SCHIP1: variants seen among roughly 807,000 people sequenced by gnomAD.
The protein encoded by SCHIP1 is schwannomin-interacting protein 1.
In SCHIP1, 8 loss-of-function variants were observed where a neutral mutation model predicts 29.7. The observed-to-expected ratio is 0.27, with a 90% CI of 0.16 to 0.49. The LOEUF is 0.49. Among genes scored for constraint, SCHIP1 ranks in the 20% least tolerant of loss-of-function variants. The pLI is 0.99. For synonymous variants in SCHIP1, 76 were observed against 94.9 expected, an observed-to-expected ratio of 0.80 and a Z score of 1.16; for missense variants, 193 against 294.6, an observed-to-expected ratio of 0.66 and a Z score of 2.52.
the SCHIP1 span, among the ~76,000 whole-genome samples, chr3:159,734,112 A>ATTG: frequency 7.6e-6 from 1 of 131,270 alleles, no homozygotes; most frequent in East Asian, 2.2e-4. Context: ...AAAGTACCAT[A>ATTG]TTGTTATTAT....
the SCHIP1 span, among the ~76,000 whole-genome samples, chr3:159,735,150 G>A: frequency 4.6e-4 from 69 of 151,518 alleles, no homozygotes; most frequent in African/African-American, 1.4e-3. Context: ...CCAATAATAA[G>A]CTTAAAAAGC....
At chr3:159,630,821 A>T in the SCHIP1 span, among the ~76,000 whole-genome samples, 1 of 152,152 alleles carries the variant, frequency 6.6e-6, no homozygotes, top group African/African-American at 2.4e-5. Context: ...CCACTAAAGA[A>T]CTTATTCATG....
At chr3:159,530,635 C>T in the SCHIP1 span, among the ~76,000 whole-genome samples, 1 of 152,148 alleles carries the variant, frequency 6.6e-6, no homozygotes, top group Non-Finnish European at 1.5e-5. Flanking sequence ...TTCGCTCTAC[C>T]CTGTGTCCTT....
chr3:159,715,670 A>C, the SCHIP1 span, among the ~76,000 whole-genome samples: 1 of 152,342 alleles, frequency 6.6e-6, no homozygotes, highest in South Asian at 2.1e-4. Context: ...AGATCAAATA[A>C]ATGAAATGAA....
At chr3:159,288,910 A>G in the SCHIP1 span, among the ~76,000 whole-genome samples, 1 of 152,132 alleles carries the variant, frequency 6.6e-6, no homozygotes. Flanking sequence ...TTCTTTAGTC[A>G]CATTAATAAC....
intron 6 of SCHIP1, chr3:159,892,476 T>C: frequency 1.8e-6 from 1 of 568,934 alleles, no homozygotes. Flanking sequence ...GGACTTTACC[T>C]TGAAGGACTG....
chr3:159,459,244 C>T, the SCHIP1 span, among the ~76,000 whole-genome samples: 1 of 152,054 alleles, frequency 6.6e-6, no homozygotes, highest in African/African-American at 2.4e-5. Context: ...GTCTCCTGGG[C>T]CCCATGGTGG....
the SCHIP1 span, among the ~76,000 whole-genome samples, chr3:159,648,293 G>A: frequency 6.6e-6 from 1 of 152,134 alleles, no homozygotes; most frequent in Non-Finnish European, 1.5e-5. Flanking sequence ...ATTCAGGCAG[G>A]AAATAGCATC....
In SCHIP1 at chr3:159,889,082, G is replaced by A. The variant is rs868136929; in HGVS notation, c.589+139G>A. 38 of 1,209,664 alleles carry A rather than the reference G, an allele frequency of 3.1e-5. No individual in the cohort carries two copies. The Middle Eastern group carries it at 2.8e-3, about 90-fold the overall frequency. The allele number at this position is 1,209,664 out of a possible 1,614,324, so 74.9% of individuals were successfully genotyped here. A position where few individuals can be genotyped will look rare whatever the true frequency, so the allele number is the denominator to read the frequency against. ...GCAAGGAAAATAAGAGAATCACAAG[G>A]CTCTTTTTTGTTGCTGTTGTTTTAG... On this transcript the variant is annotated intron_variant, in intron 5 of 6. Coordinates refer to ENST00000445224, the Ensembl canonical transcript of SCHIP1.
the SCHIP1 span, among the ~76,000 whole-genome samples, chr3:159,393,157 G>T: frequency 1.3e-5 from 2 of 152,092 alleles, no homozygotes; most frequent in African/African-American, 2.4e-5. Context: ...TTTTGATGGG[G>T]TTGTTTGTTT....
chr3:159,481,104 T>C, the SCHIP1 span, among the ~76,000 whole-genome samples: 1 of 152,298 alleles, frequency 6.6e-6, no homozygotes, highest in South Asian at 2.1e-4. Context: ...TTTGTGATTC[T>C]TCAGTTACTT....
chr3:159,778,359 T>C, the SCHIP1 span, among the ~76,000 whole-genome samples: 1 of 152,168 alleles, frequency 6.6e-6, no homozygotes, highest in Non-Finnish European at 1.5e-5. Context: ...GATTTGCAAA[T>C]AAATTACAAA....
intron 2 of SCHIP1, among the ~76,000 whole-genome samples, chr3:159,868,127 C>G (rs766122013): frequency 8.0e-5 from 12 of 149,722 alleles, no homozygotes; most frequent in Admixed American, 3.3e-4. Flanking sequence ...ATGTAACATA[C>G]CTATATATAA....
At chr3:159,468,562 G>A in the SCHIP1 span, among the ~76,000 whole-genome samples, 1 of 150,950 alleles carries the variant, frequency 6.6e-6, no homozygotes, top group Non-Finnish European at 1.5e-5. Context: ...TTACATATGA[G>A]TGAACATTCA....
At chr3:159,486,431 C>G in the SCHIP1 span, among the ~76,000 whole-genome samples, 163 of 152,278 alleles carry the variant, frequency 1.1e-3, no homozygotes, top group African/African-American at 3.7e-3. Flanking sequence ...TTCACTTAGC[C>G]TCTAGGTTCA....
At chr3:159,831,580 G>T in the SCHIP1 span, among the ~76,000 whole-genome samples, 2 of 152,052 alleles carry the variant, frequency 1.3e-5, no homozygotes, top group African/African-American at 4.8e-5. Flanking sequence ...CAGCATCATG[G>T]CTCTTGCATT....
the SCHIP1 span, among the ~76,000 whole-genome samples, chr3:159,387,924 C>G: frequency 6.6e-6 from 1 of 152,052 alleles, no homozygotes; most frequent in Non-Finnish European, 1.5e-5. Flanking sequence ...ATTCAGTTAT[C>G]TCAATAGTTG....
At chr3:159,562,957 A>C in the SCHIP1 span, among the ~76,000 whole-genome samples, 1 of 152,240 alleles carries the variant, frequency 6.6e-6, no homozygotes, top group Non-Finnish European at 1.5e-5. Flanking sequence ...GATTTGACAA[A>C]ACATATAGGA....
chr3:159,647,224 CAAGAG>C, the SCHIP1 span, among the ~76,000 whole-genome samples: 1 of 151,682 alleles, frequency 6.6e-6, no homozygotes, highest in Admixed American at 6.6e-5. Flanking sequence ...TCGAAAAAGC[CAAGAG>C]GAGAGAGAAA....
Sources: gnomAD v4.1 joint callset for allele counts (sites outside exome capture counted in the v4.1 genomes callset) on GRCh38, gnomAD v4.1.1 for gene constraint, MANE v1.5 for transcripts, NCBI Gene and HGNC (gene_info 2026-07-23, HGNC 2026-07-21) for gene names.